ZSWIM2: variants seen among roughly 807,000 people sequenced by gnomAD.
ZSWIM2 encodes zinc finger SWIM-type containing 2, also known as E3 ubiquitin-protein ligase ZSWIM2.
ZSWIM2 carries 38 observed loss-of-function variants against 48.4 expected under a neutral mutation model. The ratio of observed to expected loss-of-function variants is 0.79; its 90% CI spans 0.61 to 1.03. The LOEUF is 1.03. ZSWIM2 is among the 50% of genes least tolerant of loss of function. ZSWIM2 has a pLI of 0.00. For missense variants in ZSWIM2, 776 were observed against 730.2 expected, an observed-to-expected ratio of 1.06 and a Z score of -0.72; for synonymous variants, 240 against 251.3, an observed-to-expected ratio of 0.96 and a Z score of 0.42.
intron 7 of ZSWIM2, among the ~76,000 whole-genome samples, chr2:186,831,613 T>C (rs1480984509): frequency 6.6e-6 from 1 of 151,786 alleles, no homozygotes; most frequent in African/African-American, 2.4e-5. Context: ...TAGCAAAGAC[T>C]TGGAACCAAC....
chr2:186,845,736 C>CT (rs962021461), intron 2 of ZSWIM2, among the ~76,000 whole-genome samples: 12 of 151,194 alleles, frequency 7.9e-5, no homozygotes, highest in Admixed American at 2.6e-4. Context: ...GCTTAAGGAA[C>CT]TTTTTTTTCA....
chr2:186,839,912 C>G (rs1279483992), intron 3 of ZSWIM2, among the ~76,000 whole-genome samples: 4 of 151,638 alleles, frequency 2.6e-5, no homozygotes, highest in African/African-American at 9.7e-5. Flanking sequence ...CCATCTCCTA[C>G]TCCTGAACAT....
chr2:186,829,782 C>T lies in ZSWIM2; in HGVS notation c.1040G>A (p.Cys347Tyr). ...TTGACCAAGATGAAATGCCTTCAAA[C>T]AAAGTAGACACTGGTAGCCTGGAGC... is the stretch of plus-strand genomic sequence containing the variant. ...LLAPGYQCLL[C>Y]LKAFHLGQHT... is the part of the protein sequence containing the mutation. Residue 347 changes from cysteine to tyrosine, a missense_variant, in exon 8 of 9, where the codon TGT (cysteine) becomes TAT (tyrosine). Coordinates refer to ENST00000295131, the MANE Select transcript of ZSWIM2 (RefSeq NM_182521.3). The T allele has an allele frequency of 1.2e-6, 2 of 1,613,500 alleles. No individual in the cohort carries two copies. Among genetic ancestry groups the T allele is most frequent in the Middle Eastern group, 1.7e-4 (1 of 6,056 alleles).
intron 1 of ZSWIM2, 85 bp downstream of exon 1, chr2:186,848,878 ATGG>A (rs1692050643): frequency 6.5e-7 from 1 of 1,537,362 alleles, no homozygotes; most frequent in Admixed American, 1.7e-5. Flanking sequence ...AGAGATTGTG[ATGG>A]TGGCTACGCA....
At chr2:186,846,064 T>C (rs1691993771) in intron 2 of ZSWIM2, among the ~76,000 whole-genome samples, 1 of 151,840 alleles carries the variant, frequency 6.6e-6, no homozygotes, top group African/African-American at 2.4e-5. Context: ...CTTCTGGACA[T>C]TGGCCTGGGC....
At chr2:186,830,429 C>A (rs554668929) in intron 7 of ZSWIM2, among the ~76,000 whole-genome samples, 1 of 152,110 alleles carries the variant, frequency 6.6e-6, no homozygotes, top group South Asian at 2.1e-4. Context: ...AAAATGCTAA[C>A]CTAAAATTTT....
intron 5 of ZSWIM2, among the ~76,000 whole-genome samples, chr2:186,834,257 G>A (rs1436056989): frequency 6.6e-6 from 1 of 152,120 alleles, no homozygotes; most frequent in Non-Finnish European, 1.5e-5. Context: ...ATAGAAGTCT[G>A]AGATGAGTTT....
intron 5 of ZSWIM2, 101 bp downstream of exon 5, chr2:186,837,205 A>G (rs970528178): frequency 1.6e-5 from 20 of 1,251,980 alleles, no homozygotes; most frequent in African/African-American, 1.5e-4. Flanking sequence ...CAGTATATGC[A>G]GGAAGAGGGA....
chr2:186,833,096 T>C (rs912115688), intron 7 of ZSWIM2, 24 bp downstream of exon 7: 2 of 1,092,686 alleles, frequency 1.8e-6, no homozygotes, highest in African/African-American at 3.3e-5. Flanking sequence ...ATACAACAAA[T>C]ATAAAATTTA....
intron 1 of ZSWIM2, 22 bp downstream of exon 1, chr2:186,848,944 G>T: frequency 6.2e-7 from 1 of 1,613,432 alleles, no homozygotes; most frequent in Non-Finnish European, 8.5e-7. Flanking sequence ...GGCCAACTGG[G>T]GGCGGTAGGG....
At chr2:186,833,424 A>G (rs1219003955) in intron 6 of ZSWIM2, among the ~76,000 whole-genome samples, 192 bp from the exon 7 acceptor site, 1 of 152,148 alleles carries the variant, frequency 6.6e-6, no homozygotes, top group Non-Finnish European at 1.5e-5. Context: ...CTATAATGGC[A>G]TTACTTTTTA....
At position 186,834,843 on chromosome 2, in the gene ZSWIM2, G is replaced by A. The variant is rs147114321; in HGVS notation, c.744-813C>T. On this transcript the variant is annotated intron_variant, in intron 5 of 8. Transcript: ENST00000295131. ...GTATGATTATACAAGACTTATCCAA[G>A]CAATCCAGGATAACCTCTTTATTTC... Among the ~76,000 whole-genome samples the A allele has an allele frequency of 5.0e-3, 765 of 152,140 alleles. 6 individuals carry two copies. Among genetic ancestry groups the A allele is most frequent in the African/African-American group, 0.017 (703 of 41,508 alleles).
rs371673588 is a variant in ZSWIM2 at position 186,834,040 on chromosome 2, C to T, written c.744-10G>A. ...TATGCATTCGGTACACCTAAAAATA[C>T]AAAACATCAAAACACGCAAGAAAAA... On this transcript the variant is annotated splice_polypyrimidine_tract_variant and intron_variant, in intron 5 of 8. Coordinates refer to ENST00000295131, the MANE Select transcript of ZSWIM2 (RefSeq NM_182521.3). The T allele has an allele frequency of 1.3e-6, 2 of 1,581,094 alleles. No homozygotes were observed. Among genetic ancestry groups the T allele is most frequent in the Non-Finnish European group, 8.7e-7 (1 of 1,155,464 alleles).
chr2:186,835,644 A>G (rs1430329129), intron 5 of ZSWIM2, among the ~76,000 whole-genome samples: 1 of 152,194 alleles, frequency 6.6e-6, no homozygotes. Flanking sequence ...AAGATGAAGT[A>G]GTTAAATTCT....
At chr2:186,835,395 TAGA>T (rs1465095851) in intron 5 of ZSWIM2, among the ~76,000 whole-genome samples, 3 of 152,142 alleles carry the variant, frequency 2.0e-5, no homozygotes, top group Non-Finnish European at 2.9e-5. Flanking sequence ...ATCAAATATT[TAGA>T]AGATTATTGC....
At chr2:186,843,852 C>T (rs1464291811) in intron 3 of ZSWIM2, among the ~76,000 whole-genome samples, 9 of 151,452 alleles carry the variant, frequency 5.9e-5, no homozygotes, top group African/African-American at 1.7e-4. Flanking sequence ...AAGAGAAAAT[C>T]CCTGTGAAAC....
In ZSWIM2 at chr2:186,844,741, A is replaced by AT. The variant is rs745315680; in HGVS notation, c.258dup (p.Phe87IlefsTer8). The AT allele has an allele frequency of 6.4e-7, 1 of 1,564,482 alleles. No homozygotes were observed. The highest frequency in any genetic ancestry group is 8.6e-7 in the Non-Finnish European group (1 of 1,160,718). On this transcript the variant is annotated frameshift_variant, in exon 3 of 9. Transcript: ENST00000295131. LOFTEE classifies it high-confidence loss of function. ...CATTCATGGTTCCTTGGAAGCTTGA[A>AT]TTTTTTCAACAAGACCCTAACATTC...
chr2:186,846,810 C>CATATATATAT (rs36111849), intron 2 of ZSWIM2, among the ~76,000 whole-genome samples: 45 of 143,768 alleles, frequency 3.1e-4, no homozygotes, highest in African/African-American at 9.1e-4. Context: ...CACACACACA[C>CATATATATAT]ATATATATAT....
At chr2:186,832,035 AG>A (rs1421974684) in intron 7 of ZSWIM2, among the ~76,000 whole-genome samples, 1 of 152,012 alleles carries the variant, frequency 6.6e-6, no homozygotes, top group Non-Finnish European at 1.5e-5. Context: ...AATAAAAAAA[AG>A]TTGTCTCTTT....
Sources: gnomAD v4.1 joint callset for allele counts (sites outside exome capture counted in the v4.1 genomes callset) on GRCh38, gnomAD v4.1.1 for gene constraint, MANE v1.5 for transcripts, NCBI Gene and HGNC (gene_info 2026-07-23, HGNC 2026-07-21) for gene names.